The following COMMD10 variants were observed in gnomAD, a reference collection of about 807,000 sequenced individuals.
The protein encoded by COMMD10 is COMM domain-containing protein 10.
In COMMD10, 33 loss-of-function variants were observed where a neutral mutation model predicts 28.9. That is an observed-to-expected ratio of 1.14 (90% CI 0.87 to 1.53). The LOEUF (loss-of-function observed/expected upper bound fraction) is 1.53. Among genes scored for constraint, COMMD10 ranks in the 40% most tolerant of loss-of-function variants. COMMD10 has a pLI of 0.00. For synonymous variants in COMMD10, 110 were observed against 81.7 expected (o/e 1.35, Z -1.87); for missense variants, 310 against 233.4 (o/e 1.33, Z -2.14).
chr5:116,110,876 AGGGGT>A (rs919456599), intron 4 of COMMD10, among the ~76,000 whole-genome samples: 6 of 145,198 alleles, frequency 4.1e-5, no homozygotes, highest in African/African-American at 1.5e-4. Context: ...CAATACCAAG[AGGGGT>A]GGTGCTAAAT....
At chr5:116,232,697 C>T (rs573540078) in intron 5 of COMMD10, among the ~76,000 whole-genome samples, 8 of 151,980 alleles carry the variant, frequency 5.3e-5, no homozygotes, top group Non-Finnish European at 7.4e-5. Context: ...AGCAAGACTC[C>T]GTCTCAAAAA....
At chr5:116,263,263 C>T (rs1206072612) in intron 5 of COMMD10, among the ~76,000 whole-genome samples, 1 of 151,766 alleles carries the variant, frequency 6.6e-6, no homozygotes, top group Admixed American at 6.6e-5. Flanking sequence ...CAAATTCCTA[C>T]ATAAGGGATC....
chr5:116,214,524 A>T (rs1749050219), intron 5 of COMMD10, among the ~76,000 whole-genome samples: 1 of 152,170 alleles, frequency 6.6e-6, no homozygotes, highest in Non-Finnish European at 1.5e-5. Flanking sequence ...CACTGTAAGC[A>T]TTAAATGGTA....
At chr5:116,120,063 A>G (rs1197411966) in intron 4 of COMMD10, among the ~76,000 whole-genome samples, 2 of 152,166 alleles carry the variant, frequency 1.3e-5, no homozygotes, top group Non-Finnish European at 1.5e-5. Context: ...TTATGTTTAT[A>G]GCGGCACAAT....
At chr5:116,134,777 T>A (rs1426114876) in intron 5 of COMMD10, among the ~76,000 whole-genome samples, 1 of 151,986 alleles carries the variant, frequency 6.6e-6, no homozygotes, top group Non-Finnish European at 1.5e-5. Context: ...GCCTGCCACC[T>A]TGTCCGGCTA....
chr5:116,264,817 C>A lies in COMMD10; in HGVS notation c.511-26700C>A, dbSNP rs146609485. ...ATGTAAATGCAAAGTACGGTCAGTTCTTTTAGCCTAAGACATTATTTGATT... is the reference window on the plus strand; with the variant it reads ...ATGTAAATGCAAAGTACGGTCAGTTATTTTAGCCTAAGACATTATTTGATT... On this transcript the variant is annotated intron_variant, in intron 5 of 6. Transcript: ENST00000274458. 8.0e-4 allele frequency among the ~76,000 whole-genome samples: 122 copies of A among 151,896 alleles called. 2 individuals are homozygous for A. The highest frequency in any genetic ancestry group is 3.1e-4 in the Non-Finnish European group (21 of 67,976).
intron 4 of COMMD10, among the ~76,000 whole-genome samples, chr5:116,100,518 CTTT>C (rs768113794): frequency 3.8e-5 from 5 of 132,834 alleles, no homozygotes; most frequent in Non-Finnish European, 4.9e-5. Flanking sequence ...GGTCCAGTTC[CTTT>C]TTTTTTTTTT....
chr5:116,223,650 G>C (rs146028943), intron 5 of COMMD10, among the ~76,000 whole-genome samples: 2 of 152,204 alleles, frequency 1.3e-5, no homozygotes, highest in Non-Finnish European at 2.9e-5. Flanking sequence ...GGTTGAGTCA[G>C]AGAGGGACAG....
chr5:116,245,051 T>TG (rs1283398508), intron 5 of COMMD10, among the ~76,000 whole-genome samples: 6 of 35,000 alleles, frequency 1.7e-4, no homozygotes, highest in Non-Finnish European at 7.0e-4. Context: ...GCTGGTTTTT[T>TG]GAAAAAAAAA....
chr5:116,103,056 A>G (rs1750718261), intron 4 of COMMD10, among the ~76,000 whole-genome samples: 1 of 151,944 alleles, frequency 6.6e-6, no homozygotes, highest in African/African-American at 2.4e-5. Flanking sequence ...TTTTTTTTTA[A>G]TCCAGTCTTT....
At chr5:116,273,302 C>G (rs772439120) in intron 5 of COMMD10, among the ~76,000 whole-genome samples, 33 of 151,764 alleles carry the variant, frequency 2.2e-4, no homozygotes, top group Non-Finnish European at 4.0e-4. Flanking sequence ...TGTAATGTAT[C>G]TTAATTCCCT....
chr5:116,236,494 G>A (rs1327753829), intron 5 of COMMD10, among the ~76,000 whole-genome samples: 1 of 117,720 alleles, frequency 8.5e-6, no homozygotes, highest in Non-Finnish European at 1.6e-5. Context: ...ACAAGAGCAA[G>A]ACTCCGTCTC....
chr5:116,250,224 C>A (rs1205869642), intron 5 of COMMD10, among the ~76,000 whole-genome samples: 2 of 151,634 alleles, frequency 1.3e-5, no homozygotes, highest in Non-Finnish European at 2.9e-5. Flanking sequence ...GACTTTTGAA[C>A]CTGAAACAGA....
At chr5:116,089,805 G>T (rs1160798667) in intron 2 of COMMD10, among the ~76,000 whole-genome samples, 1 of 152,218 alleles carries the variant, frequency 6.6e-6, no homozygotes, top group African/African-American at 2.4e-5. Flanking sequence ...CTGCTAAGAA[G>T]ACGTCAGGAA....
chr5:116,135,603 A>G (rs1752002929), intron 5 of COMMD10, among the ~76,000 whole-genome samples: 1 of 152,236 alleles, frequency 6.6e-6, no homozygotes, highest in Non-Finnish European at 1.5e-5. Context: ...AGGTGAGTAC[A>G]GTACAGTAAG....
intron 5 of COMMD10, among the ~76,000 whole-genome samples, chr5:116,143,142 G>T (rs1752246112): frequency 7.6e-6 from 1 of 131,654 alleles, no homozygotes; most frequent in Non-Finnish European, 1.6e-5. Flanking sequence ...CAGGTATATT[G>T]ATACAAATCA....
intron 5 of COMMD10, among the ~76,000 whole-genome samples, chr5:116,171,635 A>T (rs1040072331): frequency 1.3e-5 from 2 of 152,222 alleles, no homozygotes; most frequent in African/African-American, 4.8e-5. Flanking sequence ...ACACCATGGA[A>T]TACTATTCAG....
chr5:116,206,116 G>C (rs953626866), intron 5 of COMMD10, among the ~76,000 whole-genome samples: 3 of 152,122 alleles, frequency 2.0e-5, no homozygotes, highest in East Asian at 1.9e-4. Context: ...CAGAACATCA[G>C]CTCCCAAGGA....
intron 5 of COMMD10, among the ~76,000 whole-genome samples, chr5:116,230,212 G>A (rs188700412): frequency 1.3e-4 from 20 of 151,972 alleles, no homozygotes; most frequent in East Asian, 3.9e-4. Context: ...GCCTTACTAC[G>A]TTTCTGTTTT....
Sources: gnomAD v4.1 joint callset for allele counts (sites outside exome capture counted in the v4.1 genomes callset) on GRCh38, gnomAD v4.1.1 for gene constraint, MANE v1.5 for transcripts, NCBI Gene and HGNC (gene_info 2026-07-23, HGNC 2026-07-21) for gene names.